The following SNX8 variants were observed in gnomAD, a reference collection of about 807,000 sequenced individuals.
SNX8 encodes sorting nexin-8.
A neutral mutation model predicts 51.6 loss-of-function variants in SNX8; 25 were observed. The observed-to-expected ratio is 0.48, with a 90% CI of 0.35 to 0.68. The LOEUF is 0.68. Among genes scored for constraint, SNX8 ranks in the 30% least tolerant of loss-of-function variants. The pLI is 0.00. For missense variants in SNX8, 695 were observed against 624.0 expected, an observed-to-expected ratio of 1.11 and a Z score of -1.21; for synonymous variants, 324 against 277.0, an observed-to-expected ratio of 1.17 and a Z score of -1.68.
At chr7:2,337,393 G>A (rs1031178296) in intron 1 of SNX8, 2 of 152,120 alleles carry the variant, frequency 1.3e-5, no homozygotes, top group African/African-American at 4.8e-5. Context: ...GTAGCAGTGA[G>A]CTGTGTAATT....
intron 1 of SNX8, among the ~76,000 whole-genome samples, chr7:2,289,347 C>G (rs769868561): frequency 4.6e-5 from 7 of 152,314 alleles, no homozygotes; most frequent in Non-Finnish European, 8.8e-5. Context: ...ATTGCTGGAT[C>G]ACGGGATCTG....
At chr7:2,314,465 C>T (rs1220246947), upstream of SNX8, 3 of 1,195,196 alleles carry the variant, frequency 2.5e-6, no homozygotes, top group Non-Finnish European at 3.1e-6. Context: ...GCCACCCGGC[C>T]GCGCAGCCCT....
In SNX8 at chr7:2,271,928, G is replaced by A. The variant is rs374204796; in HGVS notation, c.462C>T (p.Arg154=). ...FIEARRRALK[R]FVNLVARHPL... The stretch of plus-strand genomic sequence containing the variant: ...GGTGTCGCGCCACCAGGTTGACGAA[G>A]CGCTTCAGGGCTCTCCTCCTGGCCT... Residue 154 remains arginine, a synonymous_variant, in exon 4 of 11, where the codon CGC becomes CGT. Coordinates refer to ENST00000222990, the MANE Select transcript of SNX8 (RefSeq NM_013321.4). The A allele has an allele frequency of 6.2e-7, 1 of 1,614,130 alleles. No individual in the cohort carries two copies. Among genetic ancestry groups the A allele is most frequent in the Non-Finnish European group, 8.5e-7 (1 of 1,180,026 alleles).
rs1320144979 is a variant in SNX8, at chr7:2,254,991, C to T, written c.*65G>A. Reference sequence around the variant, plus strand: ...AGCTGCCGTCCAAAGGGAATTACACCGGGACACACCGTTTGGAAAGAGGTT... The same window carrying T: ...AGCTGCCGTCCAAAGGGAATTACACTGGGACACACCGTTTGGAAAGAGGTT... On this transcript the variant is annotated 3_prime_UTR_variant, in exon 11 of 11. Transcript: ENST00000222990. 10 of 1,091,802 alleles carry T rather than the reference C, an allele frequency of 9.2e-6. No homozygotes were observed. The highest frequency in any genetic ancestry group is 2.7e-5 in the South Asian group (2 of 75,050). 67.6% of individuals were successfully genotyped at this position (1,091,802 alleles called of 1,614,324 possible).
chr7:2,258,042 G>A (rs565320808), intron 7 of SNX8, among the ~76,000 whole-genome samples: 87 of 135,622 alleles, frequency 6.4e-4, no homozygotes, highest in Non-Finnish European at 1.0e-3. Flanking sequence ...CGGAGTCTTC[G>A]CTCTGTCGCC....
chr7:2,286,002 A>G (rs996781161), intron 1 of SNX8, among the ~76,000 whole-genome samples: 1 of 150,836 alleles, frequency 6.6e-6, no homozygotes, highest in Non-Finnish European at 1.5e-5. Context: ...TACTTTAAAC[A>G]GTAACTTTTT....
Position 2,269,619 on chromosome 7 carries a change from C to T in SNX8, c.561G>A (p.Lys187=). 6.2e-7 allele frequency: 1 copy of T among 1,600,424 alleles called. No homozygotes were observed. Among genetic ancestry groups the T allele is most frequent in the Non-Finnish European group, 8.5e-7 (1 of 1,173,388 alleles). ...CGTCCCCGACGCACTGTGCTGACTC[C>T]TTTAACTTGTTCTGCACATCCTGCA... ...FSGSDVQNKL[K]ESAQCVGDEF... Residue 187 remains lysine (K), a synonymous_variant, in exon 5 of 11, where the codon AAG becomes AAA. Coordinates refer to ENST00000222990, the MANE Select transcript of SNX8 (RefSeq NM_013321.4).
intron 7 of SNX8, among the ~76,000 whole-genome samples, chr7:2,259,274 C>A (rs1656167692): frequency 6.6e-6 from 1 of 152,198 alleles, no homozygotes; most frequent in African/African-American, 2.4e-5. Flanking sequence ...TGGGGAAACC[C>A]CCGACACTGA....
intron 1 of SNX8, among the ~76,000 whole-genome samples, chr7:2,327,751 C>T (rs62442558): frequency 0.04 from 6,121 of 151,856 alleles, 154 homozygotes; most frequent in Middle Eastern, 0.12. Context: ...ACCGTGTTAG[C>T]CAGGATGGTC....
chr7:2,277,354 A>G (rs969274282), intron 2 of SNX8, among the ~76,000 whole-genome samples: 10 of 152,194 alleles, frequency 6.6e-5, no homozygotes, highest in African/African-American at 1.4e-4. Flanking sequence ...AGTGACACAT[A>G]TTGATCCTGC....
upstream of SNX8, among the ~76,000 whole-genome samples, chr7:2,317,872 CA>C (rs1309152961): frequency 6.6e-6 from 1 of 152,096 alleles, no homozygotes. Flanking sequence ...TGCTGATGGA[CA>C]TATAACAACT....
intron 1 of SNX8, among the ~76,000 whole-genome samples, chr7:2,351,035 C>T (rs1017866436): frequency 6.6e-6 from 1 of 152,120 alleles, no homozygotes; most frequent in East Asian, 1.9e-4. Context: ...GGGAGGATCA[C>T]GAGCCTGGGA....
chr7:2,314,271 G>T (rs1052049425), intron 1 of SNX8, 57 bp downstream of exon 1: 5 of 1,213,802 alleles, frequency 4.1e-6, no homozygotes, highest in Non-Finnish European at 4.1e-6. Context: ...CGTCCGCCGG[G>T]GGTGGTCGGG....
At chr7:2,323,681 G>A (rs777879214) in intron 1 of SNX8, among the ~76,000 whole-genome samples, 9 of 152,188 alleles carry the variant, frequency 5.9e-5, no homozygotes, top group Non-Finnish European at 1.2e-4. Context: ...ATGTGGTCTC[G>A]CTCAACCTCA....
chr7:2,277,485 C>T (rs560095494), intron 2 of SNX8, among the ~76,000 whole-genome samples: 16 of 150,710 alleles, frequency 1.1e-4, no homozygotes, highest in African/African-American at 3.9e-4. Context: ...CTCTGTGGAC[C>T]GTCCGCGGGA....
rs189518304 is a variant in SNX8 at position 2,261,419 on chromosome 7, C to T, written c.915+1811G>A. On this transcript the variant is annotated intron_variant, in intron 7 of 10. Coordinates refer to ENST00000222990, the MANE Select transcript of SNX8 (RefSeq NM_013321.4). ...CTGCCCTCCAGCCTGGGCGACAGAG[C>T]GAGACTCCGTCTCAAAAACAAACAA... is the stretch of plus-strand genomic sequence containing the variant. Among the ~76,000 whole-genome samples, 938 of 152,282 alleles carry T rather than the reference C, an allele frequency of 6.2e-3. 4 individuals carry two copies. Among genetic ancestry groups the T allele is most frequent in the Non-Finnish European group, 0.01 (688 of 68,020 alleles).
Position 2,251,862 on chromosome 7 carries a change from C to T in SNX8, c.*3194G>A, listed in dbSNP as rs1225463807. 1 of 152,284 alleles carries T rather than the reference C, an allele frequency of 6.6e-6. No homozygotes were observed. Among genetic ancestry groups the T allele is most frequent in the African/African-American group, 2.4e-5 (1 of 41,434 alleles). 9.4% of individuals were successfully genotyped at this position (152,284 alleles called of 1,614,324 possible). A position where few individuals can be genotyped will look rare whatever the true frequency, so the allele number is the denominator to read the frequency against. On this transcript the variant is annotated 3_prime_UTR_variant, in exon 11 of 11. Coordinates refer to ENST00000222990, the MANE Select transcript of SNX8 (RefSeq NM_013321.4). ...TTGTTGGGTATATTGGGTATTGATCCCTGCAGCCTCCTAAAGTGCTTTGGA... is the reference window on the plus strand; with the variant it reads ...TTGTTGGGTATATTGGGTATTGATCTCTGCAGCCTCCTAAAGTGCTTTGGA...
chr7:2,280,915 C>T (rs1433791041), intron 1 of SNX8, among the ~76,000 whole-genome samples: 1 of 151,630 alleles, frequency 6.6e-6, no homozygotes, highest in Non-Finnish European at 1.5e-5. Flanking sequence ...GCCTCAGCCT[C>T]CAGAGTAAGT....
intron 1 of SNX8, among the ~76,000 whole-genome samples, chr7:2,306,040 G>A (rs1221328790): frequency 6.6e-6 from 1 of 152,130 alleles, no homozygotes; most frequent in African/African-American, 2.4e-5. Context: ...CATCTTCCTC[G>A]ATTTTCATTC....
Sources: gnomAD v4.1 joint callset for allele counts (sites outside exome capture counted in the v4.1 genomes callset) on GRCh38, gnomAD v4.1.1 for gene constraint, MANE v1.5 for transcripts, NCBI Gene and HGNC (gene_info 2026-07-23, HGNC 2026-07-21) for gene names.